Variants in CMTM8 observed in about 807,000 individuals in gnomAD.
CMTM8 encodes CKLF-like MARVEL transmembrane domain-containing protein 8.
In CMTM8, 12 loss-of-function variants were observed where a neutral mutation model predicts 18.6. The ratio of observed to expected loss-of-function variants is 0.65; its 90% CI spans 0.41 to 1.05. The LOEUF (loss-of-function observed/expected upper bound fraction) is 1.05. Ranked by LOEUF, CMTM8 falls within the 50% of genes least tolerant of loss-of-function variation. CMTM8 has a pLI of 0.00. For missense variants in CMTM8, 217 were observed against 227.2 expected (o/e 0.95, Z 0.29); for synonymous variants, 87 against 90.6 (o/e 0.96, Z 0.23).
At chr3:32,286,119 G>A (rs887248164) in intron 1 of CMTM8, among the ~76,000 whole-genome samples, 9 of 152,208 alleles carry the variant, frequency 5.9e-5, no homozygotes, top group Admixed American at 2.0e-4. Flanking sequence ...GATAGTAGTG[G>A]CTTGGGCTTT....
intron 1 of CMTM8, among the ~76,000 whole-genome samples, chr3:32,289,625 T>G (rs1009734566): frequency 6.6e-6 from 1 of 152,212 alleles, no homozygotes; most frequent in Non-Finnish European, 1.5e-5. Flanking sequence ...TGCTAGTATA[T>G]TAACAAGAAA....
At chr3:32,310,605 C>T (rs1428404287) in intron 1 of CMTM8, among the ~76,000 whole-genome samples, 1 of 152,168 alleles carries the variant, frequency 6.6e-6, no homozygotes, top group Non-Finnish European at 1.5e-5. Flanking sequence ...TCGTGTGTGC[C>T]ATTTCCTCCC....
At chr3:32,277,294 C>G (rs1452166574) in intron 1 of CMTM8, among the ~76,000 whole-genome samples, 1 of 152,184 alleles carries the variant, frequency 6.6e-6, no homozygotes, top group Non-Finnish European at 1.5e-5. Context: ...CATGGTGAGG[C>G]TGTGGGCAAG....
intron 1 of CMTM8, among the ~76,000 whole-genome samples, chr3:32,343,313 G>A (rs1480821491): frequency 1.3e-5 from 2 of 152,200 alleles, no homozygotes; most frequent in Admixed American, 1.3e-4. Flanking sequence ...TATGGGATAA[G>A]TCTTGCCTTT....
At chr3:32,344,239 A>C (rs1455084640) in intron 1 of CMTM8, among the ~76,000 whole-genome samples, 1 of 152,224 alleles carries the variant, frequency 6.6e-6, no homozygotes, top group Non-Finnish European at 1.5e-5. Flanking sequence ...AGAACAATGC[A>C]AATCCCCTGA....
chr3:32,356,684 G>A (rs13075878), intron 1 of CMTM8, among the ~76,000 whole-genome samples: 34,038 of 152,162 alleles, frequency 0.22, 3,973 homozygotes, highest in East Asian at 0.35. Context: ...ATGCCCAGAG[G>A]TTCGTCCCTT....
intron 2 of CMTM8, among the ~76,000 whole-genome samples, chr3:32,365,313 AAGAG>A (rs1485718260): frequency 1.3e-5 from 2 of 151,862 alleles, no homozygotes; most frequent in Non-Finnish European, 2.9e-5. Flanking sequence ...GAAAAAAAAA[AAGAG>A]AGAAAGAGAA....
intron 1 of CMTM8, among the ~76,000 whole-genome samples, chr3:32,244,172 A>G (rs1701981160): frequency 6.6e-6 from 1 of 152,158 alleles, no homozygotes; most frequent in Non-Finnish European, 1.5e-5. Flanking sequence ...CTTGCCCTGC[A>G]CACCAACCAA....
intron 1 of CMTM8, among the ~76,000 whole-genome samples, chr3:32,355,657 A>T (rs1217984912): frequency 6.6e-6 from 1 of 152,128 alleles, no homozygotes; most frequent in East Asian, 1.9e-4. Context: ...TAATCTTAAC[A>T]TTCTCTTGCT....
chr3:32,299,677 G>C (rs1695575037), intron 1 of CMTM8, among the ~76,000 whole-genome samples: 1 of 151,922 alleles, frequency 6.6e-6, no homozygotes, highest in African/African-American at 2.4e-5. Context: ...AATTATCATT[G>C]ACGGTAGTCT....
At chr3:32,339,990 C>T (rs941590460) in intron 1 of CMTM8, among the ~76,000 whole-genome samples, 2 of 152,062 alleles carry the variant, frequency 1.3e-5, no homozygotes, top group Non-Finnish European at 2.9e-5. Context: ...ATAAAAAGAA[C>T]TTTGCAGGGG....
At chr3:32,265,457 T>C (rs530364150) in intron 1 of CMTM8, among the ~76,000 whole-genome samples, 1 of 152,298 alleles carries the variant, frequency 6.6e-6, no homozygotes, top group East Asian at 1.9e-4. Flanking sequence ...TAAAGCAGTG[T>C]GTAGAGGGAA....
intron 1 of CMTM8, among the ~76,000 whole-genome samples, chr3:32,275,009 T>A (rs1472412750): frequency 6.6e-6 from 1 of 152,162 alleles, no homozygotes; most frequent in Non-Finnish European, 1.5e-5. Context: ...CTATAATCAC[T>A]TTTCTTTTTT....
chr3:32,357,355 G>C lies in CMTM8; in HGVS notation c.148-18G>C. On this transcript the variant is annotated intron_variant, in intron 1 of 3. Transcript: ENST00000307526. Reference sequence around the variant, plus strand: ...TCTACTGTCCCCTCCTCTCTCCACTGCTTCTACCACTTTACAGGTTCTGGG... The same window carrying C: ...TCTACTGTCCCCTCCTCTCTCCACTCCTTCTACCACTTTACAGGTTCTGGG... 1 of 1,607,382 alleles carries C rather than the reference G, an allele frequency of 6.2e-7. No homozygotes were observed. The highest frequency in any genetic ancestry group is 1.3e-5 in the African/African-American group (1 of 74,566).
At chr3:32,280,796 C>T (rs529811915) in intron 1 of CMTM8, among the ~76,000 whole-genome samples, 5 of 130,888 alleles carry the variant, frequency 3.8e-5, no homozygotes, top group African/African-American at 1.5e-4. Flanking sequence ...GTCGACCCTA[C>T]TCAAATTACA....
At chr3:32,260,442 T>G (rs1329710457) in intron 1 of CMTM8, among the ~76,000 whole-genome samples, 1 of 152,242 alleles carries the variant, frequency 6.6e-6, no homozygotes, top group Non-Finnish European at 1.5e-5. Flanking sequence ...TAATTTTGTT[T>G]TCAAATGTCT....
intron 1 of CMTM8, among the ~76,000 whole-genome samples, chr3:32,256,628 A>T (rs1702176958): frequency 6.6e-6 from 1 of 152,202 alleles, no homozygotes; most frequent in South Asian, 2.1e-4. Flanking sequence ...GTAACCATGT[A>T]AGATAATTAT....
At position 32,264,554 on chromosome 3, in the gene CMTM8, A is replaced by AAT. The variant is rs1235369368; in HGVS notation, c.147+25437_147+25438dup. On this transcript the variant is annotated intron_variant, in intron 1 of 3. Transcript: ENST00000307526. ...AGAAACTGCATCAAGTAACAAGCAAAATAACCAGTTAACATCATAATGACA... is the reference window on the plus strand; with the variant it reads ...AGAAACTGCATCAAGTAACAAGCAAAATATAACCAGTTAACATCATAATGACA... Among the ~76,000 whole-genome samples, 18 of 152,328 alleles carry AAT rather than the reference A, an allele frequency of 1.2e-4. No individual in the cohort carries two copies. The East Asian group carries it at 2.1e-3, about 18-fold the overall frequency.
At chr3:32,363,465 C>T (rs926196481) in intron 2 of CMTM8, among the ~76,000 whole-genome samples, 1 of 152,206 alleles carries the variant, frequency 6.6e-6, no homozygotes, top group Admixed American at 6.5e-5. Flanking sequence ...ACGTGGTCAC[C>T]TGACCACATC....
Sources: allele counts gnomAD v4.1 joint callset (sites outside exome capture counted in the v4.1 genomes callset), GRCh38; gene constraint gnomAD v4.1.1; transcripts MANE v1.5; gene names NCBI Gene and HGNC (gene_info 2026-07-23, HGNC 2026-07-21).